PPP2R2B: variants seen among roughly 807,000 people sequenced by gnomAD.
The protein encoded by PPP2R2B is protein phosphatase 2 regulatory subunit Bbeta.
PPP2R2B carries 5 observed loss-of-function variants against 46.0 expected under a neutral mutation model. That is an observed-to-expected ratio of 0.11 (90% CI 0.06 to 0.23). The LOEUF (loss-of-function observed/expected upper bound fraction) is 0.23. PPP2R2B is among the 10% of genes least tolerant of loss of function. The probability of loss-of-function intolerance (pLI) is 1.00; values close to 1 mark genes in which losing one functional copy is unlikely to be tolerated. For synonymous variants in PPP2R2B, 215 were observed against 206.7 expected (o/e 1.04, Z -0.34); for missense variants, 367 against 575.0 (o/e 0.64, Z 3.70).
At chr5:146,922,297 T>C (rs1763634076) in intron 1 of PPP2R2B, 1 of 152,256 alleles carries the variant, frequency 6.6e-6, no homozygotes, top group African/African-American at 2.4e-5. Flanking sequence ...TTGTTAGTAC[T>C]GTGTATCAAA....
At chr5:146,767,231 C>A (rs1754540513) in intron 2 of PPP2R2B, among the ~76,000 whole-genome samples, 1 of 151,982 alleles carries the variant, frequency 6.6e-6, no homozygotes, top group African/African-American at 2.4e-5. Context: ...AAAATTTGAA[C>A]CCCGAGGCCC....
At chr5:146,809,120 G>T (rs1012816434) in intron 2 of PPP2R2B, among the ~76,000 whole-genome samples, 1 of 152,090 alleles carries the variant, frequency 6.6e-6, no homozygotes, top group Non-Finnish European at 1.5e-5. Flanking sequence ...CAGGGGCTTT[G>T]GGGGCAGCTT....
chr5:146,877,924 GC>G (rs1377260285), intron 2 of PPP2R2B, 77 bp downstream of exon 2: 17 of 1,507,880 alleles, frequency 1.1e-5, no homozygotes, highest in Non-Finnish European at 1.5e-5. Context: ...GCCACTACGC[GC>G]CCAGCTGCCC....
At chr5:146,741,098 G>A (rs1056080642) in intron 2 of PPP2R2B, among the ~76,000 whole-genome samples, 1 of 151,788 alleles carries the variant, frequency 6.6e-6, no homozygotes, top group Admixed American at 6.6e-5. Context: ...AGATTCTTTA[G>A]GAATGGGGAT....
intron 2 of PPP2R2B, among the ~76,000 whole-genome samples, chr5:146,769,737 C>T (rs934548936): frequency 2.6e-5 from 4 of 152,128 alleles, no homozygotes; most frequent in East Asian, 1.9e-4. Context: ...TAGGCACTAT[C>T]CCAAATGCTA....
intron 5 of PPP2R2B, among the ~76,000 whole-genome samples, chr5:146,677,655 G>A (rs1234850897): frequency 6.6e-6 from 1 of 151,412 alleles, no homozygotes; most frequent in Non-Finnish European, 1.5e-5. Context: ...AGCCTCTCAA[G>A]TAGTTGGGAC....
At chr5:146,991,358 G>A (rs1753690870) in intron 1 of PPP2R2B, among the ~76,000 whole-genome samples, 1 of 151,948 alleles carries the variant, frequency 6.6e-6, no homozygotes, top group Non-Finnish European at 1.5e-5. Flanking sequence ...AAATCTATGT[G>A]GAATCTAAAA....
chr5:146,866,199 A>C (rs319227), intron 2 of PPP2R2B, among the ~76,000 whole-genome samples: 72,367 of 152,066 alleles, frequency 0.48, 18,649 homozygotes, highest in East Asian at 0.72. Context: ...CATCGACATA[A>C]TTTTACAAAA....
At chr5:147,019,253 A>G (rs528870209) in intron 1 of PPP2R2B, among the ~76,000 whole-genome samples, 19 of 152,200 alleles carry the variant, frequency 1.2e-4, no homozygotes, top group African/African-American at 1.9e-4. Flanking sequence ...GCTGTTCAAC[A>G]AAGTTACTCA....
chr5:146,922,984 G>A (rs1368285593), intron 1 of PPP2R2B, among the ~76,000 whole-genome samples: 1 of 152,186 alleles, frequency 6.6e-6, no homozygotes, highest in East Asian at 1.9e-4. Context: ...AGCTTTAGGA[G>A]TAAGCGAGAT....
At chr5:147,060,216 C>A (rs928430868), upstream of PPP2R2B, among the ~76,000 whole-genome samples, 6 of 152,180 alleles carry the variant, frequency 3.9e-5, no homozygotes, top group Non-Finnish European at 7.3e-5. Flanking sequence ...CAGACTCCCA[C>A]ATACCATGTT....
Position 146,910,878 on chromosome 5 carries a change from C to T in PPP2R2B, c.79+144787G>A, listed in dbSNP as rs145268997. On this transcript the variant is annotated intron_variant, in intron 1 of 8. Transcript: ENST00000336640. ...TTTTCTGTCAATATCTTCTAAAGCTCTCCCTGAATATCCCACTGGTCTTCC... is the reference window on the plus strand; with the variant it reads ...TTTTCTGTCAATATCTTCTAAAGCTTTCCCTGAATATCCCACTGGTCTTCC... 1.4e-3 allele frequency among the ~76,000 whole-genome samples: 218 copies of T among 152,294 alleles called. 2 individuals are homozygous for T. Among genetic ancestry groups the T allele is most frequent in the Non-Finnish European group, 2.6e-3 (178 of 68,024 alleles).
intron 2 of PPP2R2B, among the ~76,000 whole-genome samples, chr5:147,065,991 C>A (rs1757404342): frequency 6.6e-6 from 1 of 152,090 alleles, no homozygotes; most frequent in Non-Finnish European, 1.5e-5. Flanking sequence ...CAAGGACCCA[C>A]ACCTGGTAAT....
At chr5:146,675,549 A>G (rs1165142475) in intron 5 of PPP2R2B, among the ~76,000 whole-genome samples, 1 of 152,232 alleles carries the variant, frequency 6.6e-6, no homozygotes, top group Non-Finnish European at 1.5e-5. Flanking sequence ...GAAATCTAGG[A>G]TGAAACATAT....
At chr5:146,980,325 C>T (rs906223203) in intron 1 of PPP2R2B, among the ~76,000 whole-genome samples, 1 of 152,168 alleles carries the variant, frequency 6.6e-6, no homozygotes, top group South Asian at 2.1e-4. Flanking sequence ...CACAATGAAG[C>T]AGAGATGGTA....
intron 1 of PPP2R2B, among the ~76,000 whole-genome samples, chr5:146,907,405 G>A (rs368371033): frequency 7.9e-5 from 12 of 152,238 alleles, no homozygotes; most frequent in East Asian, 7.7e-4. Context: ...CCATATGAGC[G>A]TTCCCAAAGT....
chr5:146,597,001 C>T (rs1180923056), intron 8 of PPP2R2B, among the ~76,000 whole-genome samples: 1 of 152,182 alleles, frequency 6.6e-6, no homozygotes, highest in African/African-American at 2.4e-5. Flanking sequence ...TAGAATTTTG[C>T]TGTCACTCCA....
intron 2 of PPP2R2B, among the ~76,000 whole-genome samples, chr5:146,790,105 T>C (rs1448787172): frequency 6.6e-6 from 1 of 152,198 alleles, no homozygotes; most frequent in Non-Finnish European, 1.5e-5. Flanking sequence ...GTCTAGTTAA[T>C]TGCCCTTCGG....
At chr5:147,035,916 T>C (rs1756014065) in intron 1 of PPP2R2B, among the ~76,000 whole-genome samples, 1 of 152,190 alleles carries the variant, frequency 6.6e-6, no homozygotes, top group African/African-American at 2.4e-5. Context: ...TTGTAATAAA[T>C]GTTGCTTTTT....
Sources: allele counts gnomAD v4.1 joint callset (sites outside exome capture counted in the v4.1 genomes callset), GRCh38; gene constraint gnomAD v4.1.1; transcripts MANE v1.5; gene names NCBI Gene and HGNC (gene_info 2026-07-23, HGNC 2026-07-21).